Variants in CCDC15 observed in about 807,000 individuals in gnomAD.
CCDC15 encodes the protein coiled-coil domain-containing protein 15.
Under a neutral mutation model 114.5 loss-of-function variants are expected in CCDC15, and 105 were observed. That is an observed-to-expected ratio of 0.92 (90% CI 0.78 to 1.08). CCDC15 has a LOEUF of 1.08. Ranked by LOEUF, CCDC15 falls within the 50% of genes least tolerant of loss-of-function variation. The pLI, the probability that CCDC15 is intolerant of heterozygous loss-of-function variation, is 0.00. For synonymous variants in CCDC15, 334 were observed against 377.8 expected (o/e 0.88, Z 1.34); for missense variants, 1,105 against 1,093.6 (o/e 1.01, Z -0.15).
intron 13 of CCDC15, among the ~76,000 whole-genome samples, chr11:125,016,080 CT>C (rs1381432410): frequency 6.6e-6 from 1 of 152,186 alleles, no homozygotes; most frequent in East Asian, 1.9e-4. Context: ...CCTATCTTTC[CT>C]GTATTTCTTA....
chr11:125,011,399 G>A (rs1948592570), intron 13 of CCDC15, among the ~76,000 whole-genome samples: 2 of 151,648 alleles, frequency 1.3e-5, no homozygotes, highest in East Asian at 1.9e-4. Context: ...CACCAAGCCC[G>A]GCTAATTTTT....
At chr11:125,014,783 T>C (rs1043013945) in intron 13 of CCDC15, among the ~76,000 whole-genome samples, 2 of 152,192 alleles carry the variant, frequency 1.3e-5, no homozygotes, top group African/African-American at 4.8e-5. Flanking sequence ...TAATATCTTA[T>C]ACAGTTAAAC....
intron 6 of CCDC15, 70 bp from the exon 7 acceptor site, chr11:124,986,672 T>TGC: frequency 7.7e-7 from 1 of 1,296,170 alleles, no homozygotes; most frequent in Non-Finnish European, 1.0e-6. Context: ...TGGTGCTGTG[T>TGC]GTGTGTGTGT....
chr11:124,986,766 T>C lies in CCDC15; in HGVS notation c.778T>C (p.Tyr260His). The C allele has an allele frequency of 6.5e-7, 1 of 1,547,524 alleles. No individual in the cohort carries two copies. The highest frequency in any genetic ancestry group is 8.7e-7 in the Non-Finnish European group (1 of 1,145,730). ...GGAACTTGACTATGAGGAACCTGAC[T>C]ATGAGGAATCTTCATCTCTTGTAAC... ...NQELDYEEPDYEESSSLVTDE... is the reference protein window; with the variant it reads ...NQELDYEEPDHEESSSLVTDE... The change falls in exon 7 of 16, where the codon TAT (tyrosine) becomes CAT (histidine). Residue 260 changes from tyrosine (Y) to histidine (H), a missense_variant. Tyr to His is a moderately conservative substitution (Grantham distance 83). Coordinates refer to ENST00000344762, the MANE Select transcript of CCDC15 (RefSeq NM_025004.3).
chr11:125,038,407 A>G, intron 13 of CCDC15, 24 bp from the exon 14 acceptor site: 3 of 1,361,632 alleles, frequency 2.2e-6, no homozygotes, highest in Non-Finnish European at 2.9e-6. Context: ...GAAATTCCTA[A>G]CCATGTTATG....
At chr11:124,975,867 ATT>A (rs1228116505) in intron 5 of CCDC15, among the ~76,000 whole-genome samples, 1 of 150,724 alleles carries the variant, frequency 6.6e-6, no homozygotes, top group African/African-American at 2.5e-5. Flanking sequence ...GAAACTATTA[ATT>A]TTTAAAAAGA....
intron 4 of CCDC15, among the ~76,000 whole-genome samples, chr11:124,968,216 A>G (rs1277978605): frequency 6.6e-6 from 1 of 152,216 alleles, no homozygotes; most frequent in Non-Finnish European, 1.5e-5. Flanking sequence ...TTAAGTCTGC[A>G]GAAGTTTCTG....
At chr11:125,026,129 A>G (rs1277182750) in intron 13 of CCDC15, among the ~76,000 whole-genome samples, 2 of 152,156 alleles carry the variant, frequency 1.3e-5, no homozygotes, top group Non-Finnish European at 2.9e-5. Context: ...CTGAACAGCA[A>G]TAGGACTTGC....
intron 13 of CCDC15, among the ~76,000 whole-genome samples, chr11:125,010,832 A>G (rs969211889): frequency 5.3e-5 from 8 of 152,230 alleles, no homozygotes; most frequent in East Asian, 3.9e-4. Flanking sequence ...TTTTGTTGCA[A>G]TTGCTTTTGA....
Position 124,992,565 on chromosome 11 carries a change from A to C in CCDC15, c.2032-15A>C. 4 of 1,503,298 alleles carry C rather than the reference A, an allele frequency of 2.7e-6. No individual in the cohort carries two copies. Among genetic ancestry groups the C allele is most frequent in the Non-Finnish European group, 3.6e-6 (4 of 1,097,740 alleles). 93.1% of individuals were successfully genotyped at this position (1,503,298 alleles called of 1,614,324 possible). A position where few individuals can be genotyped will look rare whatever the true frequency, so the allele number is the denominator to read the frequency against. ...TTTTCTGTTGTTGTTTTTCCTTTAA[A>C]ATATGTTTCTCAAGCAACCTGCATC... is the stretch of plus-strand genomic sequence containing the variant. On this transcript the variant is annotated splice_polypyrimidine_tract_variant and intron_variant, in intron 9 of 15. Transcript: ENST00000344762.
intron 11 of CCDC15, among the ~76,000 whole-genome samples, chr11:125,001,721 A>G (rs1948485211): frequency 6.6e-6 from 1 of 152,262 alleles, no homozygotes; most frequent in Non-Finnish European, 1.5e-5. Flanking sequence ...GATGTAGCAT[A>G]TAGCAGTACT....
chr11:124,975,821 TCATAA>T (rs1947963468), intron 5 of CCDC15, among the ~76,000 whole-genome samples: 1 of 152,116 alleles, frequency 6.6e-6, no homozygotes, highest in African/African-American at 2.4e-5. Flanking sequence ...TTAAAAATTG[TCATAA>T]AGTATGTCAC....
intron 4 of CCDC15, among the ~76,000 whole-genome samples, chr11:124,969,279 T>G (rs939561714): frequency 2.0e-5 from 3 of 152,144 alleles, no homozygotes; most frequent in African/African-American, 7.2e-5. Context: ...TAAGATTAGT[T>G]GCCTAAAGGT....
In CCDC15 at chr11:124,986,788, T is replaced by G; in HGVS notation, c.800T>G (p.Val267Gly). 6.4e-7 allele frequency: 1 copy of G among 1,552,306 alleles called. No individual in the cohort carries two copies. Among genetic ancestry groups the G allele is most frequent in the Non-Finnish European group, 8.7e-7 (1 of 1,147,210 alleles). Reference sequence around the variant, plus strand: ...GACTATGAGGAATCTTCATCTCTTGTAACTGATGAGAAAGGGAAAGAAGAT... The same window carrying G: ...GACTATGAGGAATCTTCATCTCTTGGAACTGATGAGAAAGGGAAAGAAGAT... ...EPDYEESSSL[V>G]TDEKGKEDLF... is the part of the protein sequence containing the mutation. Residue 267 changes from valine (V) to glycine (G), a missense_variant, in exon 7 of 16, where the codon GTA (valine) becomes GGA (glycine). Physicochemically the swap from Val to Gly is moderately radical, Grantham distance 109 (BLOSUM62 -3). Coordinates refer to ENST00000344762, the MANE Select transcript of CCDC15 (RefSeq NM_025004.3).
At chr11:125,025,037 TACATATGA>T (rs1194668453) in intron 13 of CCDC15, among the ~76,000 whole-genome samples, 38 of 110,144 alleles carry the variant, frequency 3.5e-4, no homozygotes, top group South Asian at 2.6e-3. Context: ...TATATATGAA[TACATATGA>T]ATATATATGA....
Position 124,987,341 on chromosome 11 carries a change from C to T in CCDC15, c.1115C>T (p.Pro372Leu). 1 of 1,613,456 alleles carries T rather than the reference C, an allele frequency of 6.2e-7. No individual in the cohort carries two copies. The highest frequency in any genetic ancestry group is 8.5e-7 in the Non-Finnish European group (1 of 1,179,504). ...AVEMKVQVTE[P>L]EGQAIEPEGQ... is the part of the protein sequence containing the mutation. ...GAAATGAAGGTTCAGGTTACTGAGC[C>T]AGAAGGCCAGGCCATTGAGCCAGAA... Residue 372 changes from proline (P) to leucine (L), a missense_variant, in exon 8 of 16, where the codon CCA (proline) becomes CTA (leucine). Coordinates refer to ENST00000344762, the MANE Select transcript of CCDC15 (RefSeq NM_025004.3).
intron 11 of CCDC15, among the ~76,000 whole-genome samples, chr11:124,993,972 C>CA (rs949929968): frequency 6.6e-6 from 1 of 152,070 alleles, no homozygotes; most frequent in African/African-American, 2.4e-5. Context: ...GATTGCTTCG[C>CA]AGGTAGAGTT....
chr11:124,998,942 T>G (rs1170018665), intron 11 of CCDC15, among the ~76,000 whole-genome samples: 4 of 152,080 alleles, frequency 2.6e-5, no homozygotes, highest in Non-Finnish European at 4.4e-5. Context: ...TTTCGCCATG[T>G]TAGTTAGGCT....
chr11:125,039,250 G>C (rs141933524), intron 15 of CCDC15, 181 bp downstream of exon 15: 4 of 473,692 alleles, frequency 8.4e-6, no homozygotes, highest in African/African-American at 8.0e-5. Context: ...TTCTCTTTGA[G>C]ATCTGTTATC....
Sources: allele counts gnomAD v4.1 joint callset (sites outside exome capture counted in the v4.1 genomes callset), GRCh38; gene constraint gnomAD v4.1.1; transcripts MANE v1.5; gene names NCBI Gene and HGNC (gene_info 2026-07-23, HGNC 2026-07-21).